LINGO2: variants seen among roughly 807,000 people sequenced by gnomAD.
LINGO2 encodes leucine rich repeat and Ig domain containing 2, also known as leucine-rich repeat and immunoglobulin-like domain-containing nogo receptor-interacting protein 2.
In LINGO2, 14 loss-of-function variants were observed where a neutral mutation model predicts 30.6. The ratio of observed to expected loss-of-function variants is 0.46; its 90% CI spans 0.30 to 0.72. The LOEUF is 0.72. LINGO2 is among the 30% of genes least tolerant of loss of function. The pLI is 0.07. For missense variants in LINGO2, 729 were observed against 751.7 expected, an observed-to-expected ratio of 0.97 and a Z score of 0.35; for synonymous variants, 317 against 288.5, an observed-to-expected ratio of 1.10 and a Z score of -1.00.
intron 4 of LINGO2, among the ~76,000 whole-genome samples, chr9:28,270,785 A>G (rs913280086): frequency 9.9e-5 from 15 of 152,144 alleles, no homozygotes; most frequent in African/African-American, 3.4e-4. Context: ...ACTGTGTACC[A>G]AACATCATGC....
rs148720105 is a variant in LINGO2, at chr9:28,363,842, T to C, written c.-246+8994A>G. 6.1e-3 allele frequency among the ~76,000 whole-genome samples: 923 copies of C among 152,310 alleles called. 11 individuals are homozygous for C. Among genetic ancestry groups the C allele is most frequent in the South Asian group, 0.018 (89 of 4,822 alleles). On this transcript the variant is annotated intron_variant, in intron 3 of 5. Transcript: ENST00000379992. ...ACGTGTCTGTCTCTTTGCTTTGTGT[T>C]TTTCTTTTAGCCTATATTCACAGTA...
chr9:28,440,512 C>T (rs1379147344), intron 2 of LINGO2, among the ~76,000 whole-genome samples: 5 of 152,172 alleles, frequency 3.3e-5, no homozygotes, highest in African/African-American at 1.2e-4. Context: ...CTATTGGTCT[C>T]ATGAATTCTT....
chr9:28,912,996 A>C, the LINGO2 span, among the ~76,000 whole-genome samples: 3 of 152,214 alleles, frequency 2.0e-5, no homozygotes, highest in African/African-American at 7.2e-5. Context: ...ATAACCAGCC[A>C]CATTCTTTAT....
chr9:28,952,968 T>C, the LINGO2 span, among the ~76,000 whole-genome samples: 1 of 152,322 alleles, frequency 6.6e-6, no homozygotes, highest in African/African-American at 2.4e-5. Context: ...GTAAGTGAAA[T>C]GTATGCACAA....
At chr9:28,055,658 T>C (rs933031517) in intron 4 of LINGO2, among the ~76,000 whole-genome samples, 2 of 152,166 alleles carry the variant, frequency 1.3e-5, no homozygotes, top group African/African-American at 4.8e-5. Flanking sequence ...GTTTGTTAGG[T>C]TTGCTAGATT....
intron 2 of LINGO2, among the ~76,000 whole-genome samples, chr9:28,393,054 C>A (rs7045042): frequency 1.4e-4 from 21 of 152,284 alleles, no homozygotes; most frequent in African/African-American, 4.6e-4. Context: ...CAGAAAAAGT[C>A]TCTTAGAGTG....
chr9:28,550,474 T>C (rs918170979), intron 1 of LINGO2, among the ~76,000 whole-genome samples: 6 of 151,886 alleles, frequency 4.0e-5, no homozygotes, highest in Non-Finnish European at 7.4e-5. Context: ...CAAGCATGCC[T>C]TCTTTTGTCT....
At chr9:28,728,045 A>G in the LINGO2 span, among the ~76,000 whole-genome samples, 7 of 152,206 alleles carry the variant, frequency 4.6e-5, no homozygotes, top group African/African-American at 1.7e-4. Context: ...AGGTACTACT[A>G]AGATGGAAAT....
chr9:28,837,681 TTTAGG>T, the LINGO2 span, among the ~76,000 whole-genome samples: 2 of 130,826 alleles, frequency 1.5e-5, no homozygotes, highest in African/African-American at 2.9e-5. Context: ...TATATATATA[TTTAGG>T]ATAACAGGGG....
chr9:28,646,086 T>C (rs751449649), intron 1 of LINGO2, among the ~76,000 whole-genome samples: 4 of 152,184 alleles, frequency 2.6e-5, no homozygotes, highest in Non-Finnish European at 5.9e-5. Context: ...TAATGGCAAC[T>C]GACTCAAAGT....
intron 4 of LINGO2, among the ~76,000 whole-genome samples, chr9:28,040,499 T>C (rs571130925): frequency 8.0e-6 from 1 of 124,762 alleles, no homozygotes; most frequent in African/African-American, 2.7e-5. Flanking sequence ...TAAAATCTTT[T>C]TTCTTTCCCC....
the LINGO2 span, among the ~76,000 whole-genome samples, chr9:29,057,028 A>G: frequency 1.3e-5 from 2 of 151,890 alleles, no homozygotes; most frequent in South Asian, 4.2e-4. Flanking sequence ...ATGCCTCCAG[A>G]TCTGTTCTAT....
chr9:28,239,660 A>G (rs184580632), intron 4 of LINGO2, among the ~76,000 whole-genome samples: 1 of 152,298 alleles, frequency 6.6e-6, no homozygotes, highest in East Asian at 1.9e-4. Flanking sequence ...GCTTATGACA[A>G]ACCCATAGCT....
At chr9:28,430,109 C>CGTGTGTGTGTGTGTGT (rs55989705) in intron 2 of LINGO2, among the ~76,000 whole-genome samples, 17 of 136,204 alleles carry the variant, frequency 1.2e-4, no homozygotes, top group African/African-American at 4.2e-4. Context: ...CGCGCGCGCG[C>CGTGTGTGTGTGTGTGT]GTGTGTGTGT....
chr9:28,556,023 A>T (rs1305179273), intron 1 of LINGO2, among the ~76,000 whole-genome samples: 3 of 152,116 alleles, frequency 2.0e-5, no homozygotes, highest in African/African-American at 7.2e-5. Flanking sequence ...TCTATGACAA[A>T]CCGACAGCCA....
At chr9:28,040,721 T>C (rs1824163031) in intron 4 of LINGO2, among the ~76,000 whole-genome samples, 1 of 152,152 alleles carries the variant, frequency 6.6e-6, no homozygotes, top group Non-Finnish European at 1.5e-5. Context: ...AGCTTTATTA[T>C]TCCTGTTTTA....
chr9:28,360,364 AACC>A (rs1820392892), intron 3 of LINGO2, among the ~76,000 whole-genome samples: 1 of 152,172 alleles, frequency 6.6e-6, no homozygotes, highest in African/African-American at 2.4e-5. Context: ...TACATCAAGG[AACC>A]TATACCTGCA....
At chr9:28,913,133 G>T in the LINGO2 span, among the ~76,000 whole-genome samples, 112,641 of 151,946 alleles carry the variant, frequency 0.74, 41,884 homozygotes, top group Non-Finnish European at 0.78. Context: ...CAAACTAAAT[G>T]ATCTGTTCAA....
rs531905280 is a variant in LINGO2, at chr9:28,477,508, AC to A, written c.-364-1484del. Among the ~76,000 whole-genome samples the A allele has an allele frequency of 1.2e-4, 19 of 152,238 alleles. No homozygotes were observed. The South Asian group carries it at 3.7e-3, about 30-fold the overall frequency. ...TTGAAATTCTCCATTTTCCTCATAT[AC>A]CTTCTTAAGTCTTCCCCCATTTTCT... is the stretch of plus-strand genomic sequence containing the variant. On this transcript the variant is annotated intron_variant, in intron 1 of 5. Coordinates refer to ENST00000379992, the Ensembl canonical transcript of LINGO2.
Sources: allele counts gnomAD v4.1 joint callset (sites outside exome capture counted in the v4.1 genomes callset), GRCh38; gene constraint gnomAD v4.1.1; transcripts MANE v1.5; gene names NCBI Gene and HGNC (gene_info 2026-07-23, HGNC 2026-07-21).